Variants in WWOX observed in about 807,000 individuals in gnomAD.
WWOX encodes the protein WW domain containing oxidoreductase.
WWOX carries 69 observed loss-of-function variants against 46.2 expected under a neutral mutation model. The ratio of observed to expected loss-of-function variants is 1.49; its 90% CI spans 1.23 to 1.82. The LOEUF (loss-of-function observed/expected upper bound fraction) is 1.82, where lower values mean the gene tolerates loss of function less well. Among genes scored for constraint, WWOX ranks in the 40% most tolerant of loss-of-function variants. WWOX has a pLI of 0.00. For synonymous variants in WWOX, 359 were observed against 202.6 expected (o/e 1.77, Z -6.56); for missense variants, 919 against 542.6 (o/e 1.69, Z -6.89).
intron 8 of WWOX, among the ~76,000 whole-genome samples, chr16:78,657,669 A>G (rs1173820627): frequency 1.3e-5 from 2 of 152,106 alleles, no homozygotes; most frequent in Non-Finnish European, 2.9e-5. Flanking sequence ...CTTGGATGTG[A>G]TGGAAGTGAT....
intron 8 of WWOX, among the ~76,000 whole-genome samples, chr16:78,958,063 A>G (rs1303069071): frequency 6.6e-6 from 1 of 152,154 alleles, no homozygotes; most frequent in Non-Finnish European, 1.5e-5. Context: ...TCAAATAACT[A>G]ACATTGCCTG....
intron 8 of WWOX, among the ~76,000 whole-genome samples, chr16:79,141,232 T>C (rs1206337194): frequency 6.6e-6 from 1 of 152,190 alleles, no homozygotes; most frequent in Non-Finnish European, 1.5e-5. Flanking sequence ...AGCCCCCTCC[T>C]CATTTCAAGT....
chr16:78,630,360 C>G (rs1262835961), intron 8 of WWOX, among the ~76,000 whole-genome samples: 1 of 152,106 alleles, frequency 6.6e-6, no homozygotes, highest in African/African-American at 2.4e-5. Context: ...ATAAAGATGG[C>G]TCACTCTGTC....
intron 5 of WWOX, among the ~76,000 whole-genome samples, chr16:78,303,637 C>T (rs1362034951): frequency 1.3e-5 from 2 of 152,176 alleles, no homozygotes; most frequent in African/African-American, 2.4e-5. Context: ...CTCCACCTCC[C>T]GGTTTCAAGC....
At chr16:78,449,419 A>G (rs945031903) in intron 8 of WWOX, among the ~76,000 whole-genome samples, 14 of 152,164 alleles carry the variant, frequency 9.2e-5, no homozygotes, top group African/African-American at 3.4e-4. Context: ...GGCAGGGGTG[A>G]TCAGGGCCAG....
intron 5 of WWOX, among the ~76,000 whole-genome samples, chr16:78,327,034 C>T (rs756433601): frequency 3.9e-5 from 6 of 152,254 alleles, no homozygotes; most frequent in East Asian, 1.9e-4. Context: ...TTGGCTTCCT[C>T]GATCCTCAGC....
chr16:79,212,150 T>A lies in WWOX; in HGVS notation c.*354T>A, dbSNP rs759336144. On this transcript the variant is annotated 3_prime_UTR_variant, in exon 9 of 9. Coordinates refer to ENST00000566780, the MANE Select transcript of WWOX (RefSeq NM_016373.4). ...AATAGCCTGAGGTCCCCTCGTCCCATCCAGCTACCACCACGGCCACCACTG... is the reference window on the plus strand; with the variant it reads ...AATAGCCTGAGGTCCCCTCGTCCCAACCAGCTACCACCACGGCCACCACTG... 141 of 1,511,050 alleles carry A rather than the reference T, an allele frequency of 9.3e-5. 2 individuals carry two copies. In the South Asian group the frequency reaches 1.7e-3, roughly 18 times the overall value. The allele number at this position is 1,511,050 out of a possible 1,614,324, so 93.6% of individuals were successfully genotyped here. A position where few individuals can be genotyped will look rare whatever the true frequency, so the allele number is the denominator to read the frequency against.
intron 8 of WWOX, among the ~76,000 whole-genome samples, chr16:79,155,099 C>T (rs113211537): frequency 7.9e-5 from 12 of 152,272 alleles, no homozygotes; most frequent in South Asian, 2.1e-4. Context: ...GAAGGCAAGC[C>T]GGGAATGGTG....
chr16:78,946,484 C>T (rs1030251695), intron 8 of WWOX, among the ~76,000 whole-genome samples: 2 of 152,160 alleles, frequency 1.3e-5, no homozygotes, highest in African/African-American at 4.8e-5. Flanking sequence ...AGCCACCGTG[C>T]CTGGCCTCTT....
intron 8 of WWOX, among the ~76,000 whole-genome samples, chr16:79,139,095 C>T (rs1036189423): frequency 3.3e-5 from 5 of 152,210 alleles, no homozygotes; most frequent in Non-Finnish European, 4.4e-5. Context: ...CATCCACCAG[C>T]TTCCCCGGCC....
Position 79,211,897 on chromosome 16 carries a change from C to A in WWOX, c.*101C>A. 3.2e-6 allele frequency: 5 copies of A among 1,563,446 alleles called. No individual in the cohort carries two copies. Among genetic ancestry groups the A allele is most frequent in the Non-Finnish European group, 4.3e-6 (5 of 1,158,030 alleles). ...TTCCAAATGTCCCTCCAACACAGAT[C>A]CGCAAGAGTAAAGGAAATAAGAGCA... On this transcript the variant is annotated 3_prime_UTR_variant, in exon 9 of 9. Coordinates refer to ENST00000566780, the MANE Select transcript of WWOX (RefSeq NM_016373.4).
At chr16:78,315,318 T>A (rs1310767404) in intron 5 of WWOX, among the ~76,000 whole-genome samples, 1 of 152,176 alleles carries the variant, frequency 6.6e-6, no homozygotes, top group East Asian at 1.9e-4. Context: ...ATTGTGCCCT[T>A]TAGAGGATAA....
intron 8 of WWOX, among the ~76,000 whole-genome samples, chr16:78,626,113 C>G (rs966335732): frequency 3.3e-5 from 5 of 151,694 alleles, no homozygotes; most frequent in Non-Finnish European, 7.4e-5. Context: ...GGAGCCCATC[C>G]AGGATACCAC....
chr16:78,349,973 T>C lies in WWOX; in HGVS notation c.517-36887T>C, dbSNP rs560401126. 2.5e-5 allele frequency among the ~76,000 whole-genome samples: 3 copies of C among 121,494 alleles called. 1 individual carries two copies. The highest frequency in any genetic ancestry group is 5.9e-5 in the Non-Finnish European group (3 of 50,832). The allele number at this position is 121,494 out of a possible 152,430, so 79.7% of individuals were successfully genotyped here. On this transcript the variant is annotated intron_variant, in intron 5 of 8. Coordinates refer to ENST00000566780, the MANE Select transcript of WWOX (RefSeq NM_016373.4). Reference sequence around the variant, plus strand: ...AATTACCTAATGCCCATACCATACATATGCCTGCATTTGTACACTCTTAAG... The same window carrying C: ...AATTACCTAATGCCCATACCATACACATGCCTGCATTTGTACACTCTTAAG...
At chr16:78,875,981 T>A (rs2044226326) in intron 8 of WWOX, among the ~76,000 whole-genome samples, 1 of 152,194 alleles carries the variant, frequency 6.6e-6, no homozygotes, top group Non-Finnish European at 1.5e-5. Flanking sequence ...TGTTTTGTTT[T>A]GAGTTATACC....
chr16:78,282,184 G>A (rs763602160), intron 5 of WWOX, among the ~76,000 whole-genome samples: 8 of 152,232 alleles, frequency 5.3e-5, no homozygotes, highest in East Asian at 3.9e-4. Flanking sequence ...GAGAGGCCCC[G>A]TTCCCTAATG....
chr16:78,261,772 GTATCTATCT>G (rs1567464544), intron 5 of WWOX, among the ~76,000 whole-genome samples: 1,633 of 129,790 alleles, frequency 0.013, 29 homozygotes, highest in Admixed American at 0.018. Flanking sequence ...ATCTATCTAT[GTATCTATCT>G]ATCTATCTAT....
chr16:78,184,169 C>T (rs1567617606), intron 5 of WWOX, among the ~76,000 whole-genome samples: 1 of 152,112 alleles, frequency 6.6e-6, no homozygotes, highest in Non-Finnish European at 1.5e-5. Context: ...CGGTGCTTCT[C>T]TGTAGGAGGA....
intron 5 of WWOX, among the ~76,000 whole-genome samples, chr16:78,243,706 C>A (rs563369940): frequency 1.1e-4 from 16 of 152,246 alleles, no homozygotes; most frequent in African/African-American, 3.9e-4. Context: ...ACCACCATGC[C>A]CGGCTAAGTT....
Sources: allele counts gnomAD v4.1 joint callset (sites outside exome capture counted in the v4.1 genomes callset), GRCh38; gene constraint gnomAD v4.1.1; transcripts MANE v1.5; gene names NCBI Gene and HGNC (gene_info 2026-07-23, HGNC 2026-07-21).